PIAS2: variants seen among roughly 807,000 people sequenced by gnomAD.
PIAS2 encodes E3 SUMO-protein ligase PIAS2.
In PIAS2, 19 loss-of-function variants were observed where a neutral mutation model predicts 69.7. The ratio of observed to expected loss-of-function variants is 0.27; its 90% CI spans 0.19 to 0.40. The LOEUF (loss-of-function observed/expected upper bound fraction) is 0.40, where lower values mean the gene tolerates loss of function less well. PIAS2 is among the 10% of genes least tolerant of loss of function. The pLI is 1.00. For synonymous variants in PIAS2, 261 were observed against 263.2 expected (o/e 0.99, Z 0.08); for missense variants, 624 against 757.0 (o/e 0.82, Z 2.06).
chr18:46,886,658 C>T lies in PIAS2; in HGVS notation c.499+3922G>A, dbSNP rs558114686. On this transcript the variant is annotated intron_variant, in intron 2 of 13. Transcript: ENST00000585916. ...TTCAAGACCAGCCTGGCCAACGTAA[C>T]GAAACCCCATCTCTACTAAAAATAC... 6.6e-5 allele frequency among the ~76,000 whole-genome samples: 10 copies of T among 152,078 alleles called. No individual in the cohort carries two copies. The East Asian group carries it at 1.6e-3, about 24-fold the overall frequency.
Position 46,855,982 on chromosome 18 carries a change from TTTTC to T in PIAS2, c.585-371_585-368del, listed in dbSNP as rs1362752831. ...GAGCATTCTAATCACTTGAAGACTTTTTTCTTTTTCTTTTGTTTTTTTTTTTTTT... is the reference window on the plus strand; with the variant it reads ...GAGCATTCTAATCACTTGAAGACTTTTTTTTCTTTTGTTTTTTTTTTTTTT... On this transcript the variant is annotated intron_variant, in intron 3 of 13. Transcript: ENST00000585916. 4.0e-5 allele frequency among the ~76,000 whole-genome samples: 6 copies of T among 148,726 alleles called. No individual in the cohort carries two copies. The East Asian group carries it at 7.8e-4, about 19-fold the overall frequency.
At chr18:46,825,241 G>A (rs2042696331) in intron 11 of PIAS2, among the ~76,000 whole-genome samples, 1 of 152,054 alleles carries the variant, frequency 6.6e-6, no homozygotes, top group African/African-American at 2.4e-5. Flanking sequence ...AGAGTAGGAG[G>A]GGATCACAGA....
intron 5 of PIAS2, chr18:46,852,514 G>GT (rs2047116707): frequency 6.6e-6 from 1 of 152,228 alleles, no homozygotes; most frequent in Non-Finnish European, 1.5e-5. Context: ...TTATGTAGTA[G>GT]TCAATATGTT....
intron 11 of PIAS2, among the ~76,000 whole-genome samples, chr18:46,824,350 A>C (rs760222241): frequency 6.6e-6 from 1 of 152,214 alleles, no homozygotes; most frequent in Non-Finnish European, 1.5e-5. Flanking sequence ...AATGATTATC[A>C]ATCTGGAGAC....
intron 2 of PIAS2, among the ~76,000 whole-genome samples, chr18:46,889,274 A>G (rs1448238988): frequency 1.3e-5 from 2 of 152,224 alleles, no homozygotes; most frequent in African/African-American, 4.8e-5. Context: ...ACATCAAAAG[A>G]CACTATCAAC....
intron 8 of PIAS2, among the ~76,000 whole-genome samples, chr18:46,841,762 A>G (rs2045424801): frequency 6.6e-6 from 1 of 152,222 alleles, no homozygotes; most frequent in East Asian, 1.9e-4. Flanking sequence ...CAGAGAGAAA[A>G]AAACATTTCA....
intron 12 of PIAS2, chr18:46,818,486 G>A (rs2041809766): frequency 6.6e-7 from 1 of 1,514,986 alleles, no homozygotes; most frequent in Non-Finnish European, 8.9e-7. Context: ...ATGTTTAAAA[G>A]GAATGTTAAG....
At chr18:46,855,031 C>T (rs2047531236) in intron 5 of PIAS2, among the ~76,000 whole-genome samples, 1 of 141,078 alleles carries the variant, frequency 7.1e-6, no homozygotes, top group African/African-American at 2.7e-5. Flanking sequence ...ACTCAGGAGG[C>T]TGAGGTAGGA....
At position 46,815,941 on chromosome 18, in the gene PIAS2, A is replaced by T; in HGVS notation, c.1649-592T>A. ...GAGCTAATGTAATTTTCTGAACCAG[A>T]GAACTGTAATTGTCCAATTCGATTT... is the stretch of plus-strand genomic sequence containing the variant. On this transcript the variant is annotated intron_variant, in intron 12 of 13. Coordinates refer to ENST00000585916, the MANE Select transcript of PIAS2 (RefSeq NM_004671.5). The T allele has an allele frequency of 4.1e-6, 4 of 985,436 alleles. 1 individual carries two copies. The African/African-American group carries it at 7.0e-5, about 17-fold the overall frequency. The allele number at this position is 985,436 out of a possible 1,614,324, so 61.0% of individuals were successfully genotyped here.
Position 46,914,580 on chromosome 18 carries a change from G to T in PIAS2, c.24+2742C>A, listed in dbSNP as rs953151308. 1.0e-4 allele frequency among the ~76,000 whole-genome samples: 6 copies of T among 58,570 alleles called. No homozygotes were observed. The Admixed American group carries it at 1.4e-3, about 13-fold the overall frequency. The allele number at this position is 58,570 out of a possible 152,430, so 38.4% of individuals were successfully genotyped here. A position where few individuals can be genotyped will look rare whatever the true frequency, so the allele number is the denominator to read the frequency against. On this transcript the variant is annotated intron_variant, in intron 1 of 13. Coordinates refer to ENST00000585916, the MANE Select transcript of PIAS2 (RefSeq NM_004671.5). ...CCCTCCCCCCCCCAACTCCACCCCC[G>T]ACACACAAGTCTGAAAAGCAAAGGC...
intron 1 of PIAS2, among the ~76,000 whole-genome samples, chr18:46,910,246 G>C (rs2146287255): frequency 6.6e-6 from 1 of 152,272 alleles, no homozygotes; most frequent in South Asian, 2.1e-4. Context: ...CCAAAATTCA[G>C]TACAATGGCT....
chr18:46,877,574 G>A (rs1320842549), intron 2 of PIAS2, among the ~76,000 whole-genome samples: 7 of 151,982 alleles, frequency 4.6e-5, no homozygotes, highest in East Asian at 1.9e-4. Context: ...GCCCAAACAC[G>A]TCTTGTACCG....
rs941394538 is a variant in PIAS2, at chr18:46,816,652, G to C, written c.1649-1303C>G. 16 of 258,458 alleles carry C rather than the reference G, an allele frequency of 6.2e-5. No individual in the cohort carries two copies. The Admixed American group carries it at 1.0e-3, about 17-fold the overall frequency. The allele number at this position is 258,458 out of a possible 1,614,324, so 16.0% of individuals were successfully genotyped here. ...TTATTATTATTATTTTTTTTTTGTA[G>C]AGAGAGGGTCTCGCTATGTTGCCTA... On this transcript the variant is annotated intron_variant, in intron 12 of 13. Transcript: ENST00000585916.
chr18:46,864,218 T>C lies in PIAS2; in HGVS notation c.530A>G (p.Lys177Arg), dbSNP rs1398175560. 1.9e-6 allele frequency: 3 copies of C among 1,597,838 alleles called. No individual in the cohort carries two copies. The highest frequency in any genetic ancestry group is 2.6e-6 in the Non-Finnish European group (3 of 1,172,820). Residue 177 changes from lysine (K) to arginine (R), a missense_variant, in exon 3 of 14, where the codon AAG (lysine) becomes AGG (arginine). Lys to Arg is a conservative substitution (Grantham distance 26). Around this residue, in one of 3 missense-constraint regions of PIAS2, gnomAD observed 339 missense variants for 408.8 expected, o/e 0.83. Coordinates refer to ENST00000585916, the MANE Select transcript of PIAS2 (RefSeq NM_004671.5). ...AGGTGTCAAAGCAAAAATAAAAAAC[T>C]TCTCTTGAAATCGCTGAATACTGCT... ...VQSSIQRFQE[K>R]FFIFALTPQQ... is the part of the protein sequence containing the mutation.
chr18:46,828,988 T>C (rs2043203041), intron 10 of PIAS2, among the ~76,000 whole-genome samples: 2 of 152,228 alleles, frequency 1.3e-5, no homozygotes, highest in Admixed American at 1.3e-4. Context: ...ATAAATCCTT[T>C]ATTTTTTCCC....
chr18:46,853,751 T>A (rs1398195751), intron 5 of PIAS2: 1 of 152,420 alleles, frequency 6.6e-6, no homozygotes, highest in African/African-American at 2.4e-5. Context: ...ATCACACCAC[T>A]GCACTCCAGC....
intron 8 of PIAS2, among the ~76,000 whole-genome samples, chr18:46,839,190 A>ACCTAT (rs2044919793): frequency 6.6e-6 from 1 of 152,196 alleles, no homozygotes; most frequent in Non-Finnish European, 1.5e-5. Context: ...CACTAAACTT[A>ACCTAT]TTATTAAATT....
intron 12 of PIAS2, chr18:46,817,929 G>C: frequency 1.0e-6 from 1 of 983,610 alleles, no homozygotes; most frequent in Non-Finnish European, 1.2e-6. Flanking sequence ...TGTTTCGTAA[G>C]TTTAGCAAAA....
upstream of PIAS2, chr18:46,917,536 C>T: frequency 2.6e-6 from 3 of 1,142,148 alleles, no homozygotes; most frequent in Non-Finnish European, 3.2e-6. Context: ...GCCTCCGACG[C>T]GCCGAAGCCC....
Sources: gnomAD v4.1 joint callset for allele counts (sites outside exome capture counted in the v4.1 genomes callset) on GRCh38, gnomAD v4.1.1 for gene constraint, gnomAD v4.1.1 regional missense constraint, MANE v1.5 for transcripts, NCBI Gene and HGNC (gene_info 2026-07-23, HGNC 2026-07-21) for gene names.